The following LDB3 variants were observed in gnomAD, a reference collection of about 807,000 sequenced individuals.
The protein encoded by LDB3 is LIM domain-binding protein 3.
In LDB3, 49 loss-of-function variants were observed where a neutral mutation model predicts 69.0. The ratio of observed to expected loss-of-function variants is 0.71; its 90% CI spans 0.56 to 0.90. LDB3 has a LOEUF of 0.90. LDB3 is among the 40% of genes least tolerant of loss of function. The probability of loss-of-function intolerance (pLI) is 0.00; values close to 1 mark genes in which losing one functional copy is unlikely to be tolerated. For synonymous variants in LDB3, 387 were observed against 396.2 expected, an observed-to-expected ratio of 0.98 and a Z score of 0.28; for missense variants, 928 against 974.1, an observed-to-expected ratio of 0.95 and a Z score of 0.63.
In LDB3 at chr10:86,668,534, T is replaced by A; in HGVS notation, c.-60T>A. On this transcript the variant is annotated 5_prime_UTR_variant, in exon 1 of 14. Coordinates refer to ENST00000361373, the MANE Select transcript of LDB3 (RefSeq NM_007078.3). ...CTATTCTTAGGAGCCTCTCAAGAGC[T>A]CCACGCAGCCCGGCTGGGCAGCAAG... is the stretch of plus-strand genomic sequence containing the variant. The A allele has an allele frequency of 1.4e-6, 1 of 713,234 alleles. No homozygotes were observed. Among genetic ancestry groups the A allele is most frequent in the South Asian group, 1.5e-5 (1 of 68,354 alleles). 44.2% of individuals were successfully genotyped at this position (713,234 alleles called of 1,614,324 possible).
intron 5 of LDB3, among the ~76,000 whole-genome samples, chr10:86,683,465 C>T (rs1422871925): frequency 6.6e-6 from 1 of 152,236 alleles, no homozygotes; most frequent in Non-Finnish European, 1.5e-5. Flanking sequence ...TGCATTGAGA[C>T]AGGGACTTGC....
rs759790522 is a variant in LDB3, at chr10:86,691,930, G to A, written c.724G>A (p.Ala242Thr). The change falls in exon 6 of 14, where the codon GCC becomes ACC. Residue 242 changes from alanine (A) to threonine (T), a missense_variant. Transcript: ENST00000361373. ...LPIKDLAVDS[A>T]SPVYQAVIKS... ...TATTAAGGACCTTGCCGTAGACAGCGCCTCTCCCGTCTACCAGGCTGTGAT... is the reference window on the plus strand; with the variant it reads ...TATTAAGGACCTTGCCGTAGACAGCACCTCTCCCGTCTACCAGGCTGTGAT... The A allele has an allele frequency of 8.6e-5, 139 of 1,614,034 alleles. 2 individuals are homozygous for A. The highest frequency in any genetic ancestry group is 2.1e-4 in the South Asian group (19 of 91,082).
chr10:86,716,697 G>GTGCC lies in LDB3; in HGVS notation c.1602_1603insTGCC (p.Thr535CysfsTer7), dbSNP rs1439289414. On this transcript the variant is annotated frameshift_variant, in exon 10 of 14. Coordinates refer to ENST00000361373, the MANE Select transcript of LDB3 (RefSeq NM_007078.3). LOFTEE classifies it high-confidence loss of function. ...CTCAGGTGCCACCACTTGCCAGGGG[G>GTGCC]ACCGTCCAGAGGGCTGAGCGATTCC... 7 of 1,613,634 alleles carry GTGCC rather than the reference G, an allele frequency of 4.3e-6. No individual in the cohort carries two copies. The highest frequency in any genetic ancestry group is 5.9e-6 in the Non-Finnish European group (7 of 1,179,990).
chr10:86,679,934 G>A (rs1356954223), intron 3 of LDB3, 148 bp from the exon 4 acceptor site: 3 of 742,650 alleles, frequency 4.0e-6, no homozygotes, highest in Non-Finnish European at 7.2e-6. Context: ...CCCATGGGGT[G>A]GACAGTGGAT....
At chr10:86,718,581 C>G in intron 11 of LDB3, 146 bp from the exon 12 acceptor site, 1 of 1,095,922 alleles carries the variant, frequency 9.1e-7, no homozygotes, top group Non-Finnish European at 1.4e-6. Flanking sequence ...ACCCCTGGGT[C>G]TTTCTTCAGA....
chr10:86,686,284 G>A (rs944861208), intron 5 of LDB3, among the ~76,000 whole-genome samples: 1 of 152,202 alleles, frequency 6.6e-6, no homozygotes, highest in Non-Finnish European at 1.5e-5. Flanking sequence ...GCCCCTTCAC[G>A]GAGAAACCTT....
At chr10:86,726,062 T>G in intron 12 of LDB3, 75 bp from the exon 13 acceptor site, 12 of 944,696 alleles carry the variant, frequency 1.3e-5, no homozygotes, top group African/African-American at 1.6e-5. Context: ...TGCCCACTGA[T>G]TTGGGGTTTG....
chr10:86,678,380 C>T (rs1157866924), intron 2 of LDB3, among the ~76,000 whole-genome samples: 1 of 150,452 alleles, frequency 6.6e-6, no homozygotes, highest in East Asian at 1.9e-4. Flanking sequence ...CCCTCTGTCA[C>T]CCAGGCTGGA....
chr10:86,684,878 G>A lies in LDB3; in HGVS notation c.689+3075G>A, dbSNP rs559270000. Among the ~76,000 whole-genome samples the A allele has an allele frequency of 2.7e-4, 41 of 152,204 alleles. 1 individual carries two copies. In the South Asian group the frequency reaches 8.1e-3, roughly 30 times the overall value. On this transcript the variant is annotated intron_variant, in intron 5 of 13. Transcript: ENST00000361373. ...GGAATTTGCATTTAAAGAAACACAG[G>A]ACAGACACTGCTTTCCCTACAGAGA...
intron 10 of LDB3, 61 bp from the exon 11 acceptor site, chr10:86,717,903 C>A: frequency 6.6e-7 from 1 of 1,524,370 alleles, no homozygotes. Context: ...TGGGGTTCTT[C>A]AAATATCTAA....
At chr10:86,685,743 C>A in intron 5 of LDB3, 2 of 1,610,616 alleles carry the variant, frequency 1.2e-6, no homozygotes, top group Non-Finnish European at 1.7e-6. Flanking sequence ...TGCGTGCCAG[C>A]CCCAGCATGT....
chr10:86,693,006 G>T (rs902111903), intron 7 of LDB3, among the ~76,000 whole-genome samples: 2 of 152,142 alleles, frequency 1.3e-5, no homozygotes, highest in African/African-American at 4.8e-5. Flanking sequence ...GGACGTGAAC[G>T]CCTGACCCCT....
intron 12 of LDB3, among the ~76,000 whole-genome samples, chr10:86,722,167 A>T (rs1395131406): frequency 6.6e-6 from 1 of 152,268 alleles, no homozygotes; most frequent in Non-Finnish European, 1.5e-5. Flanking sequence ...AAACAAAGCG[A>T]TAATTCTCCA....
chr10:86,692,464 C>G, intron 6 of LDB3, 71 bp from the exon 7 acceptor site: 1 of 1,480,012 alleles, frequency 6.8e-7, no homozygotes, highest in Non-Finnish European at 9.5e-7. Context: ...GACTCAGTGC[C>G]CACAGAGCCC....
chr10:86,677,571 G>A (rs773165194), intron 2 of LDB3, among the ~76,000 whole-genome samples: 16 of 152,182 alleles, frequency 1.1e-4, no homozygotes, highest in African/African-American at 2.4e-4. Context: ...CCCAGGAGGT[G>A]TGGCCTTCCT....
At chr10:86,731,887 T>A (rs1486958274) in intron 13 of LDB3, among the ~76,000 whole-genome samples, 2 of 152,060 alleles carry the variant, frequency 1.3e-5, no homozygotes, top group Non-Finnish European at 2.9e-5. Context: ...AGGTTAAAGG[T>A]GACAGGCCAT....
intron 13 of LDB3, among the ~76,000 whole-genome samples, chr10:86,728,240 G>T (rs1847329190): frequency 6.6e-6 from 1 of 152,198 alleles, no homozygotes; most frequent in South Asian, 2.1e-4. Context: ...CAGGAAGACA[G>T]TGGCACAGAA....
chr10:86,683,868 AC>A (rs1437725919), intron 5 of LDB3, among the ~76,000 whole-genome samples: 2 of 152,172 alleles, frequency 1.3e-5, no homozygotes, highest in Non-Finnish European at 2.9e-5. Flanking sequence ...TAGACTCATG[AC>A]CCGTTCAGTC....
intron 2 of LDB3, among the ~76,000 whole-genome samples, chr10:86,670,032 T>G (rs35305714): frequency 0.6 from 90,254 of 151,562 alleles, 27,676 homozygotes; most frequent in East Asian, 0.77. Flanking sequence ...GAGTAATCTT[T>G]TTTTTGTTCC....
Sources: allele counts gnomAD v4.1 joint callset (sites outside exome capture counted in the v4.1 genomes callset), GRCh38; gene constraint gnomAD v4.1.1; transcripts MANE v1.5; gene names NCBI Gene and HGNC (gene_info 2026-07-23, HGNC 2026-07-21).